The following ZZZ3 variants were observed in gnomAD, a reference collection of about 807,000 sequenced individuals.
ZZZ3 encodes the protein ZZ-type zinc finger-containing protein 3.
A neutral mutation model predicts 95.2 loss-of-function variants in ZZZ3; 22 were observed. The observed-to-expected ratio is 0.23, with a 90% CI of 0.17 to 0.33. The LOEUF is 0.33. ZZZ3 is among the 10% of genes least tolerant of loss of function. ZZZ3 has a pLI of 1.00. For synonymous variants in ZZZ3, 335 were observed against 358.9 expected (o/e 0.93, Z 0.75); for missense variants, 885 against 1,066.5 (o/e 0.83, Z 2.37).
chr1:77,664,354 T>G (rs1358353009), intron 1 of ZZZ3, among the ~76,000 whole-genome samples: 2 of 152,208 alleles, frequency 1.3e-5, no homozygotes, highest in African/African-American at 4.8e-5. Flanking sequence ...CAAAGGCCAA[T>G]TCAATGATCC....
At chr1:77,635,514 C>A (rs574303126) in intron 4 of ZZZ3, among the ~76,000 whole-genome samples, 145 of 152,306 alleles carry the variant, frequency 9.5e-4, no homozygotes, top group Middle Eastern at 3.4e-3. Context: ...ATGAAGATTA[C>A]AATCTGTTTC....
intron 6 of ZZZ3, among the ~76,000 whole-genome samples, chr1:77,584,301 A>G (rs1319635207): frequency 3.3e-5 from 5 of 152,240 alleles, no homozygotes; most frequent in South Asian, 2.1e-4. Flanking sequence ...CAAATATCCA[A>G]TAAAAGCTTC....
intron 9 of ZZZ3, 119 bp from the exon 10 acceptor site, chr1:77,579,747 G>T: frequency 3.4e-6 from 2 of 581,680 alleles, no homozygotes; most frequent in Non-Finnish European, 2.8e-6. Context: ...ACCTTTGGGG[G>T]TTACGTAATT....
chr1:77,630,795 C>CA (rs1431314096), intron 5 of ZZZ3, among the ~76,000 whole-genome samples: 1 of 151,670 alleles, frequency 6.6e-6, no homozygotes, highest in African/African-American at 2.4e-5. Flanking sequence ...CAATGCATGG[C>CA]AAAAAAAATA....
At chr1:77,629,079 T>C (rs1370923861) in intron 5 of ZZZ3, among the ~76,000 whole-genome samples, 2 of 152,138 alleles carry the variant, frequency 1.3e-5, no homozygotes, top group Admixed American at 1.3e-4. Flanking sequence ...ACAGGTGTCA[T>C]GATGCTACTT....
chr1:77,658,851 C>T (rs1670529080), intron 1 of ZZZ3, among the ~76,000 whole-genome samples: 1 of 152,158 alleles, frequency 6.6e-6, no homozygotes, highest in Admixed American at 6.5e-5. Context: ...TGGGTCACAG[C>T]ATATAAATGT....
intron 5 of ZZZ3, among the ~76,000 whole-genome samples, chr1:77,599,769 A>T (rs544903519): frequency 1.5e-4 from 23 of 152,208 alleles, no homozygotes; most frequent in East Asian, 7.7e-4. Context: ...CTAGATTTTT[A>T]AAAAAATTAA....
intron 5 of ZZZ3, among the ~76,000 whole-genome samples, chr1:77,587,378 C>A (rs1243697508): frequency 6.6e-6 from 1 of 151,436 alleles, no homozygotes; most frequent in African/African-American, 2.4e-5. Context: ...AATTCTCCTG[C>A]CTCAGCCTCC....
chr1:77,642,909 T>C (rs1668915725), intron 1 of ZZZ3, among the ~76,000 whole-genome samples: 1 of 152,128 alleles, frequency 6.6e-6, no homozygotes, highest in Admixed American at 6.6e-5. Flanking sequence ...CACAATTCCT[T>C]ATTCACTTGT....
chr1:77,670,501 C>T lies in ZZZ3; in HGVS notation c.-403+12084G>A, dbSNP rs185725937. Among the ~76,000 whole-genome samples, 26 of 152,110 alleles carry T rather than the reference C, an allele frequency of 1.7e-4. No individual in the cohort carries two copies. The East Asian group carries it at 4.8e-3, about 28-fold the overall frequency. Reference sequence around the variant, plus strand: ...CTCGAACTCCTGACCTCAGATGATCCGCCCACCTCGGCCTCTCAAAGTGCT... The same window carrying T: ...CTCGAACTCCTGACCTCAGATGATCTGCCCACCTCGGCCTCTCAAAGTGCT... On this transcript the variant is annotated intron_variant, in intron 1 of 14. Transcript: ENST00000370801.
rs1275821982 is a variant in ZZZ3, at chr1:77,633,226, A to G, written c.129T>C (p.Ser43=). ...IAHPEEISSN[S]QVRSRSPKKR... The stretch of plus-strand genomic sequence containing the variant: ...TCTTTGGTGATCTTGATCGTACTTG[A>G]GAATTAGAAGAGATTTCTTCAGGAT... The change falls in exon 5 of 15, where the codon TCT becomes TCC. Residue 43 remains serine (S), a synonymous_variant. Coordinates refer to ENST00000370801, the MANE Select transcript of ZZZ3 (RefSeq NM_015534.6). 5.0e-6 allele frequency: 8 copies of G among 1,613,956 alleles called. No individual in the cohort carries two copies. The East Asian group carries it at 1.8e-4, about 36-fold the overall frequency.
Position 77,639,582 on chromosome 1 carries a change from AC to A in ZZZ3, c.-186del. 1.5e-6 allele frequency: 1 copy of A among 678,102 alleles called. No individual in the cohort carries two copies. Among genetic ancestry groups the A allele is most frequent in the Non-Finnish European group, 2.2e-6 (1 of 453,378 alleles). 42.0% of individuals were successfully genotyped at this position (678,102 alleles called of 1,614,324 possible). ...TCTCTCAGCTTCAGCCATGAAGAAT[AC>A]TAGAACCTCCTAAATTTTTCTTTAA... On this transcript the variant is annotated 5_prime_UTR_variant, in exon 4 of 15. Coordinates refer to ENST00000370801, the MANE Select transcript of ZZZ3 (RefSeq NM_015534.6).
intron 12 of ZZZ3, among the ~76,000 whole-genome samples, chr1:77,574,183 T>A (rs541606194): frequency 6.7e-6 from 1 of 148,392 alleles, no homozygotes; most frequent in Non-Finnish European, 1.5e-5. Flanking sequence ...TAGATTTATA[T>A]AGATATATCT....
chr1:77,648,348 CAAAAAAA>C (rs774444208), intron 1 of ZZZ3, among the ~76,000 whole-genome samples: 16 of 52,956 alleles, frequency 3.0e-4, no homozygotes, highest in South Asian at 5.8e-4. Flanking sequence ...AATCTTGCCT[CAAAAAAA>C]AAAAAAAAAA....
chr1:77,598,076 C>G (rs561786642), intron 5 of ZZZ3, among the ~76,000 whole-genome samples: 6 of 152,142 alleles, frequency 3.9e-5, no homozygotes, highest in Admixed American at 1.3e-4. Context: ...TGAGCAACAA[C>G]AGGGGTTAGG....
chr1:77,683,389 G>C (rs998257587), upstream of ZZZ3: 2 of 151,970 alleles, frequency 1.3e-5, no homozygotes, highest in Non-Finnish European at 2.9e-5. Context: ...GCGCCGCGGC[G>C]CTTCCAGGTG....
rs753522513 is a variant in ZZZ3, at chr1:77,632,100, C to A, written c.1255G>T (p.Val419Phe). 6.2e-6 allele frequency: 10 copies of A among 1,613,968 alleles called. No individual in the cohort carries two copies. In the Admixed American group the frequency reaches 6.7e-5, roughly 11 times the overall value. ...NLSPNETNATVSDNVSQSPTN... is the reference protein window; with the variant it reads ...NLSPNETNATFSDNVSQSPTN... ...GGAGATTGACTTACATTATCACTAA[C>A]AGTTGCATTTGTTTCATTAGGACTA... Residue 419 changes from valine (V) to phenylalanine (F), a missense_variant, in exon 5 of 15, where the codon GTT (valine) becomes TTT (phenylalanine). By Grantham distance (50) the Val-to-Phe change is conservative (BLOSUM62 -1). This residue lies in a region of ZZZ3 where 556 missense variants were observed against 652.9 expected (regional missense o/e 0.85). Coordinates refer to ENST00000370801, the MANE Select transcript of ZZZ3 (RefSeq NM_015534.6).
intron 1 of ZZZ3, among the ~76,000 whole-genome samples, chr1:77,653,102 G>T (rs1039012495): frequency 1.3e-5 from 2 of 152,144 alleles, no homozygotes; most frequent in African/African-American, 4.8e-5. Context: ...CAAGAGGACT[G>T]CTTGAGCCTG....
intron 4 of ZZZ3, among the ~76,000 whole-genome samples, chr1:77,639,140 A>C (rs1245998838): frequency 1.3e-5 from 2 of 152,280 alleles, no homozygotes; most frequent in East Asian, 3.9e-4. Flanking sequence ...GATAGACAAA[A>C]GTAAATGAAC....
Sources: allele counts gnomAD v4.1 joint callset (sites outside exome capture counted in the v4.1 genomes callset), GRCh38; gene constraint gnomAD v4.1.1; regional missense constraint gnomAD v4.1.1; transcripts MANE v1.5; gene names NCBI Gene and HGNC (gene_info 2026-07-23, HGNC 2026-07-21).